The following TEX10 variants were observed in gnomAD, a reference collection of about 807,000 sequenced individuals.
The protein encoded by TEX10 is testis expressed 10, also known as testis-expressed protein 10.
A neutral mutation model predicts 104.4 loss-of-function variants in TEX10; 24 were observed. That is an observed-to-expected ratio of 0.23 (90% CI 0.17 to 0.32). The LOEUF is 0.32. Among genes scored for constraint, TEX10 ranks in the 10% least tolerant of loss-of-function variants. The pLI is 1.00. For missense variants in TEX10, 921 were observed against 1,083.9 expected, an observed-to-expected ratio of 0.85 and a Z score of 2.11; for synonymous variants, 396 against 393.4, an observed-to-expected ratio of 1.01 and a Z score of -0.08.
At chr9:100,309,016 A>G (rs541633768) in intron 12 of TEX10, among the ~76,000 whole-genome samples, 1 of 152,334 alleles carries the variant, frequency 6.6e-6, no homozygotes, top group South Asian at 2.1e-4. Flanking sequence ...ACTCAAAGAA[A>G]ATCTGAATAC....
chr9:100,326,099 A>C (rs1268743226), intron 9 of TEX10, among the ~76,000 whole-genome samples: 2 of 152,180 alleles, frequency 1.3e-5, no homozygotes, highest in African/African-American at 4.8e-5. Context: ...ATTCCAAGCT[A>C]TCTATAAAAG....
At chr9:100,333,553 C>A (rs1461401346) in intron 5 of TEX10, among the ~76,000 whole-genome samples, 1 of 150,730 alleles carries the variant, frequency 6.6e-6, no homozygotes, top group African/African-American at 2.4e-5. Flanking sequence ...TGCCTGTAAT[C>A]CCAACGCTTT....
At chr9:100,324,602 C>T (rs527618682) in intron 9 of TEX10, among the ~76,000 whole-genome samples, 1 of 152,184 alleles carries the variant, frequency 6.6e-6, no homozygotes, top group Admixed American at 6.5e-5. Flanking sequence ...CCAATTCTCG[C>T]CACTCATCGC....
In TEX10 at chr9:100,310,345, C is replaced by T. The variant is rs757589553; in HGVS notation, c.2237G>A (p.Arg746Gln). Reference protein sequence around the residue: ...VFHSLLVIPARSQNFDILQSA... With the variant: ...VFHSLLVIPAQSQNFDILQSA... The stretch of plus-strand genomic sequence containing the variant: ...TTGCAAGATGTCAAAGTTCTGACTT[C>T]GGGCAGGAATAACCAATAAACTGTG... The change falls in exon 12 of 15, where the codon CGA (arginine) becomes CAA (glutamine). Residue 746 changes from arginine (R) to glutamine (Q), a missense_variant. Physicochemically the swap from Arg to Gln is conservative, Grantham distance 43. This residue lies in a region of TEX10 where 753 missense variants were observed against 868.4 expected (regional missense o/e 0.87). Coordinates refer to ENST00000374902, the MANE Select transcript of TEX10 (RefSeq NM_017746.4). The T allele has an allele frequency of 8.1e-6, 13 of 1,614,038 alleles. No individual in the cohort carries two copies. The highest frequency in any genetic ancestry group is 1.3e-5 in the African/African-American group (1 of 75,030).
intron 13 of TEX10, chr9:100,307,581 A>T (rs1174168150): frequency 1.3e-5 from 2 of 152,186 alleles, no homozygotes; most frequent in East Asian, 3.8e-4. Context: ...AAATATGCAA[A>T]ACAAACCTGA....
Position 100,330,027 on chromosome 9 carries a change from T to A in TEX10, c.1393A>T (p.Thr465Ser), listed in dbSNP as rs1381949170. 1.9e-6 allele frequency: 3 copies of A among 1,614,042 alleles called. No homozygotes were observed. Among genetic ancestry groups the A allele is most frequent in the Non-Finnish European group, 2.5e-6 (3 of 1,180,016 alleles). The change falls in exon 6 of 15, where the codon ACA (threonine) becomes TCA (serine). Residue 465 changes from threonine to serine, a missense_variant. Transcript: ENST00000374902. ...CTAGAGCCATCTTCAAGGGTCTCTG[T>A]TACAAATTTCCTTATCATTTCTATC... is the stretch of plus-strand genomic sequence containing the variant. ...SWIEMIRKFV[T>S]ETLEDGSRLN...
Position 100,302,242 on chromosome 9 carries a change from C to G in TEX10, c.2739G>C (p.Val913=). ...WLTDLHYCFN[V]YITGHPQGPS... ...GCCCTTGGGGATGCCCAGTGATATA[C>G]ACGTTGAAGCAGTAATGTAAGTCTG... The change falls in exon 15 of 15, where the codon GTG becomes GTC. Residue 913 remains valine (V), a synonymous_variant. Transcript: ENST00000374902. The G allele has an allele frequency of 6.2e-7, 1 of 1,613,506 alleles. No homozygotes were observed.
chr9:100,315,244 T>C (rs757073051), intron 11 of TEX10, among the ~76,000 whole-genome samples: 1 of 152,150 alleles, frequency 6.6e-6, no homozygotes, highest in African/African-American at 2.4e-5. Context: ...GTTTGTTGAG[T>C]AGAATATTCT....
chr9:100,340,553 T>C (rs1835147530), intron 4 of TEX10, among the ~76,000 whole-genome samples, 184 bp from the exon 5 acceptor site: 1 of 152,244 alleles, frequency 6.6e-6, no homozygotes, highest in South Asian at 2.1e-4. Flanking sequence ...TTTTCATCTA[T>C]AGATCCTTTT....
intron 9 of TEX10, among the ~76,000 whole-genome samples, chr9:100,322,273 T>C (rs1834589438): frequency 6.6e-6 from 1 of 152,246 alleles, no homozygotes; most frequent in Admixed American, 6.5e-5. Context: ...AGTAAAGTTG[T>C]AACTAGGTCT....
intron 2 of TEX10, among the ~76,000 whole-genome samples, chr9:100,348,029 TCAA>T (rs1835345681): frequency 6.6e-6 from 1 of 152,200 alleles, no homozygotes; most frequent in Non-Finnish European, 1.5e-5. Flanking sequence ...TGCTGAGTGA[TCAA>T]CAATATGTGA....
chr9:100,342,737 T>A (rs1587741079), intron 4 of TEX10, among the ~76,000 whole-genome samples: 2 of 152,284 alleles, frequency 1.3e-5, no homozygotes, highest in African/African-American at 4.8e-5. Context: ...AAGCATTAAA[T>A]GCAAAGCTAA....
intron 12 of TEX10, among the ~76,000 whole-genome samples, chr9:100,309,505 C>T (rs1345687870): frequency 6.6e-6 from 1 of 151,972 alleles, no homozygotes; most frequent in African/African-American, 2.4e-5. Flanking sequence ...GTCTAATTCT[C>T]TGGAGTGGAG....
intron 9 of TEX10, among the ~76,000 whole-genome samples, chr9:100,325,950 C>A (rs1211524640): frequency 6.6e-6 from 1 of 152,126 alleles, no homozygotes; most frequent in Non-Finnish European, 1.5e-5. Flanking sequence ...TTTAATTCAC[C>A]AGCTACATTA....
At chr9:100,302,932 C>CT (rs1239342696) in intron 14 of TEX10, among the ~76,000 whole-genome samples, 1 of 144,864 alleles carries the variant, frequency 6.9e-6, no homozygotes, top group Non-Finnish European at 1.5e-5. Context: ...TTAACCGCCC[C>CT]CCCCCCAAAC....
chr9:100,334,823 C>T (rs143902764), intron 5 of TEX10, among the ~76,000 whole-genome samples: 38 of 152,202 alleles, frequency 2.5e-4, no homozygotes, highest in Admixed American at 4.6e-4. Context: ...CGCCACCACA[C>T]TTGGCTGATT....
chr9:100,320,428 AAAAAAAC>A (rs777766835), intron 10 of TEX10, 30 bp from the exon 11 acceptor site: 61 of 1,555,930 alleles, frequency 3.9e-5, no homozygotes, highest in African/African-American at 2.3e-4. Context: ...AAGCCAATTT[AAAAAAAC>A]AAAAAACAAA....
rs796202216 is a variant in TEX10, at chr9:100,333,657, C to A, written c.1251-3488G>T. Among the ~76,000 whole-genome samples, 545 of 138,002 alleles carry A rather than the reference C, an allele frequency of 3.9e-3. 4 individuals carry two copies. The highest frequency in any genetic ancestry group is 0.013 in the African/African-American group (479 of 37,084). The allele number at this position is 138,002 out of a possible 152,430, so 90.5% of individuals were successfully genotyped here. On this transcript the variant is annotated intron_variant, in intron 5 of 14. Transcript: ENST00000374902. ...ATCATAAAAAAAAAAAAAAAAAAAACCACAACAAAAAAATGCACTAAAGCA... is the reference window on the plus strand; with the variant it reads ...ATCATAAAAAAAAAAAAAAAAAAAAACACAACAAAAAAATGCACTAAAGCA...
At chr9:100,351,636 A>G (rs1045739056) in intron 1 of TEX10, among the ~76,000 whole-genome samples, 10 of 152,186 alleles carry the variant, frequency 6.6e-5, no homozygotes, top group Admixed American at 6.5e-5. Flanking sequence ...TAACCACCTG[A>G]TAGATCTTCA....
Sources: allele counts gnomAD v4.1 joint callset (sites outside exome capture counted in the v4.1 genomes callset), GRCh38; gene constraint gnomAD v4.1.1; regional missense constraint gnomAD v4.1.1; transcripts MANE v1.5; gene names NCBI Gene and HGNC (gene_info 2026-07-23, HGNC 2026-07-21).